The following DDX27 variants were observed in gnomAD, a reference collection of about 807,000 sequenced individuals.
The protein encoded by DDX27 is DEAD-box helicase 27.
A neutral mutation model predicts 99.3 loss-of-function variants in DDX27; 42 were observed. The observed-to-expected ratio is 0.42, with a 90% CI of 0.33 to 0.55. The LOEUF is 0.55. Ranked by LOEUF, DDX27 falls within the 20% of genes least tolerant of loss-of-function variation. DDX27 has a pLI of 0.07. For synonymous variants in DDX27, 329 were observed against 353.8 expected (o/e 0.93, Z 0.79); for missense variants, 798 against 976.8 (o/e 0.82, Z 2.44).
At chr20:49,241,867 A>G in intron 16 of DDX27, 26 bp from the exon 17 acceptor site, 3 of 1,609,270 alleles carry the variant, frequency 1.9e-6, no homozygotes, top group South Asian at 1.1e-5. Flanking sequence ...TCATCCCTGA[A>G]ATCTTATGCT....
chr20:49,223,572 CTT>C (rs375594056), intron 4 of DDX27, 139 bp downstream of exon 4: 9,090 of 429,906 alleles, frequency 0.021, no homozygotes, highest in South Asian at 0.031. Context: ...TCCTTTCTTT[CTT>C]TTTTTTTTTT....
chr20:49,226,857 C>CTTTTTTTTTTTTTTTT lies in DDX27; in HGVS notation c.706+330_706+345dup, dbSNP rs36048579. On this transcript the variant is annotated intron_variant, in intron 7 of 20. Coordinates refer to ENST00000618172, the MANE Select transcript of DDX27 (RefSeq NM_017895.8). The stretch of plus-strand genomic sequence containing the variant: ...CTGGTGCAATTGAGAGAGTAAAGGA[C>CTTTTTTTTTTTTTTTT]TTTTTTTTTTTTTTTTTTTTTTTGA... 6.3e-5 allele frequency among the ~76,000 whole-genome samples: 4 copies of CTTTTTTTTTTTTTTTT among 63,460 alleles called. 1 individual carries two copies. The highest frequency in any genetic ancestry group is 1.1e-4 in the Non-Finnish European group (4 of 36,358). The allele number at this position is 63,460 out of a possible 152,430, so 41.6% of individuals were successfully genotyped here. A position where few individuals can be genotyped will look rare whatever the true frequency, so the allele number is the denominator to read the frequency against.
chr20:49,228,809 C>T lies in DDX27; in HGVS notation c.801C>T (p.Thr267=), dbSNP rs1979994826. The part of the protein sequence containing the change: ...PVTRVLVLVP[T]RELGIQVHSV... Reference sequence around the variant, plus strand: ...CCCGCGTGCTGGTGCTAGTGCCCACCCGAGAGCTGGGCATCCAGGTGCACT... The same window carrying T: ...CCCGCGTGCTGGTGCTAGTGCCCACTCGAGAGCTGGGCATCCAGGTGCACT... Residue 267 remains threonine (T), a synonymous_variant, in exon 8 of 21, where the codon ACC becomes ACT. Coordinates refer to ENST00000618172, the MANE Select transcript of DDX27 (RefSeq NM_017895.8). The T allele has an allele frequency of 6.2e-7, 1 of 1,613,198 alleles. No homozygotes were observed. Among genetic ancestry groups the T allele is most frequent in the African/African-American group, 1.3e-5 (1 of 74,816 alleles).
intron 18 of DDX27, 69 bp downstream of exon 18, chr20:49,242,275 A>G: frequency 1.9e-6 from 3 of 1,582,816 alleles, no homozygotes; most frequent in Non-Finnish European, 2.6e-6. Context: ...TGGGTCAGGG[A>G]GAAAATCTGA....
At chr20:49,219,982 C>T (rs552748980) in intron 1 of DDX27, among the ~76,000 whole-genome samples, 1 of 152,258 alleles carries the variant, frequency 6.6e-6, no homozygotes, top group South Asian at 2.1e-4. Flanking sequence ...AAGGTGAGTG[C>T]CACTCTCCTG....
chr20:49,222,900 C>A, intron 2 of DDX27, 57 bp from the exon 3 acceptor site: 1 of 1,444,748 alleles, frequency 6.9e-7, no homozygotes, highest in Non-Finnish European at 9.4e-7. Context: ...AGAGTTTGTT[C>A]TCTTATTCGA....
At chr20:49,242,737 T>A in intron 19 of DDX27, 56 bp downstream of exon 19, 1 of 671,884 alleles carries the variant, frequency 1.5e-6, no homozygotes, top group Non-Finnish European at 2.3e-6. Flanking sequence ...TTTTTTTTTT[T>A]TTTGAGACGG....
At chr20:49,224,111 G>A (rs997051670) in intron 4 of DDX27, among the ~76,000 whole-genome samples, 1 of 151,722 alleles carries the variant, frequency 6.6e-6, no homozygotes, top group Non-Finnish European at 1.5e-5. Context: ...TTCTAGGCTC[G>A]AGCAGTCCTC....
At chr20:49,223,111 C>A in intron 3 of DDX27, 95 bp downstream of exon 3, 2 of 1,413,770 alleles carry the variant, frequency 1.4e-6, no homozygotes, top group Non-Finnish European at 2.0e-6. Flanking sequence ...TAGAGCGGGG[C>A]ATGGCTGGGG....
Position 49,243,813 on chromosome 20 carries a change from C to A in DDX27, c.2280-3C>A. 1 of 1,614,126 alleles carries A rather than the reference C, an allele frequency of 6.2e-7. No individual in the cohort carries two copies. The highest frequency in any genetic ancestry group is 1.3e-5 in the African/African-American group (1 of 75,022). ...TCTGGTCTTAACTCTGATTTTCTTA[C>A]AGATACAAGAGGAGGAAGTAGCTGT... On this transcript the variant is annotated splice_region_variant and splice_polypyrimidine_tract_variant and intron_variant, in intron 20 of 20. Coordinates refer to ENST00000618172, the MANE Select transcript of DDX27 (RefSeq NM_017895.8).
chr20:49,236,482 C>G lies in DDX27; in HGVS notation c.1659C>G (p.Ala553=). 1 of 1,606,802 alleles carries G rather than the reference C, an allele frequency of 6.2e-7. No homozygotes were observed. Among genetic ancestry groups the G allele is most frequent in the South Asian group, 1.1e-5 (1 of 89,654 alleles). The change falls in exon 14 of 21, where the codon GCC becomes GCG. Residue 553 remains alanine, a synonymous_variant. Coordinates refer to ENST00000618172, the MANE Select transcript of DDX27 (RefSeq NM_017895.8). The surrounding 1 kb of genome is among the most constrained non-coding windows in gnomAD (Gnocchi z 4.1). ...AGGAGATTGTAAAAGCTGCCAAGGC[C>G]CCTGTGAAGGCCAGGATACTTCCCC... ...MLKEIVKAAK[A]PVKARILPQD... is the part of the protein sequence containing the mutation.
At chr20:49,222,889 A>T in intron 2 of DDX27, 68 bp from the exon 3 acceptor site, 1 of 1,353,160 alleles carries the variant, frequency 7.4e-7, no homozygotes, top group South Asian at 1.4e-5. Context: ...GTTAATTATG[A>T]AGAGTTTGTT....
At chr20:49,225,869 G>T (rs1979868405) in intron 6 of DDX27, among the ~76,000 whole-genome samples, 1 of 152,076 alleles carries the variant, frequency 6.6e-6, no homozygotes, top group Admixed American at 6.6e-5. Flanking sequence ...TGACCTACAA[G>T]GCTCTGCCCC....
chr20:49,231,723 A>G (rs1014420342), intron 9 of DDX27, among the ~76,000 whole-genome samples: 6 of 152,172 alleles, frequency 3.9e-5, no homozygotes, highest in African/African-American at 1.4e-4. Flanking sequence ...TCACATCCAC[A>G]GTTCTGGAAC....
chr20:49,237,069 C>G (rs1386504024), intron 14 of DDX27, among the ~76,000 whole-genome samples: 1 of 152,100 alleles, frequency 6.6e-6, no homozygotes, highest in Non-Finnish European at 1.5e-5. Flanking sequence ...CATGGTAGCT[C>G]TTGCCTATAA....
chr20:49,227,636 G>T (rs1332829218), intron 7 of DDX27, among the ~76,000 whole-genome samples: 2 of 152,050 alleles, frequency 1.3e-5, no homozygotes, highest in East Asian at 1.9e-4. Flanking sequence ...CAAGAGTGCT[G>T]GGATTTACAG....
chr20:49,233,501 G>A, intron 10 of DDX27, 67 bp from the exon 11 acceptor site: 4 of 1,601,542 alleles, frequency 2.5e-6, no homozygotes, highest in South Asian at 2.2e-5. Context: ...TGCCTGGGGT[G>A]AGCACTGCTT....
Position 49,225,207 on chromosome 20 carries a change from C to T in DDX27, c.600+8C>T. 1 of 1,612,220 alleles carries T rather than the reference C, an allele frequency of 6.2e-7. No homozygotes were observed. Among genetic ancestry groups the T allele is most frequent in the Non-Finnish European group, 8.5e-7 (1 of 1,178,352 alleles). ...TCCCGCCCTCTTCTGAAGGTAGCAG[C>T]TTCTTGTCAAAAATTTTCTTTGTAG... On this transcript the variant is annotated splice_region_variant and intron_variant, in intron 6 of 20. Coordinates refer to ENST00000618172, the MANE Select transcript of DDX27 (RefSeq NM_017895.8).
chr20:49,226,902 G>A (rs917918022), intron 7 of DDX27, among the ~76,000 whole-genome samples: 4 of 112,440 alleles, frequency 3.6e-5, no homozygotes, highest in Non-Finnish European at 6.6e-5. Context: ...TCGCTCTGTC[G>A]CCCAGGCTGG....
Sources: allele counts gnomAD v4.1 joint callset (sites outside exome capture counted in the v4.1 genomes callset), GRCh38; gene constraint gnomAD v4.1.1; non-coding constraint Gnocchi (gnomAD v3.1); transcripts MANE v1.5; gene names NCBI Gene and HGNC (gene_info 2026-07-23, HGNC 2026-07-21).